Variants in SND1 observed in about 807,000 individuals in gnomAD.
SND1 encodes the protein staphylococcal nuclease domain-containing protein 1.
Under a neutral mutation model 121.7 loss-of-function variants are expected in SND1, and 38 were observed. The ratio of observed to expected loss-of-function variants is 0.31; its 90% CI spans 0.24 to 0.41. The LOEUF (loss-of-function observed/expected upper bound fraction) is 0.41, where lower values mean the gene tolerates loss of function less well. SND1 is among the 10% of genes least tolerant of loss of function. SND1 has a pLI of 1.00. For synonymous variants in SND1, 401 were observed against 447.4 expected (o/e 0.90, Z 1.31); for missense variants, 868 against 1,184.6 (o/e 0.73, Z 3.92).
intron 10 of SND1, among the ~76,000 whole-genome samples, chr7:127,727,680 C>G (rs952577278): frequency 6.6e-6 from 1 of 152,132 alleles, no homozygotes; most frequent in Non-Finnish European, 1.5e-5. Context: ...TAGCATTTCA[C>G]CAGTCTCCAA....
At chr7:128,069,974 C>T (rs189094704) in intron 16 of SND1, among the ~76,000 whole-genome samples, 1 of 152,182 alleles carries the variant, frequency 6.6e-6, no homozygotes, top group Non-Finnish European at 1.5e-5. Context: ...GGCATTGAAG[C>T]GGGCAAAGGT....
intron 10 of SND1, among the ~76,000 whole-genome samples, chr7:127,752,670 T>C (rs893450624): frequency 4.6e-5 from 7 of 152,242 alleles, no homozygotes; most frequent in African/African-American, 7.2e-5. Context: ...ACTATTCAAC[T>C]CTGCCATTGT....
intron 15 of SND1, among the ~76,000 whole-genome samples, chr7:127,961,499 A>G (rs778883928): frequency 6.6e-6 from 1 of 152,258 alleles, no homozygotes; most frequent in Non-Finnish European, 1.5e-5. Context: ...AGTGTTTGCC[A>G]CTGTAAAAAA....
At chr7:127,653,086 T>G (rs1305078850) in intron 1 of SND1, among the ~76,000 whole-genome samples, 4 of 152,238 alleles carry the variant, frequency 2.6e-5, no homozygotes, top group Admixed American at 2.6e-4. Flanking sequence ...AGAAGGCAAG[T>G]GACTTGCTTA....
chr7:127,909,222 A>ATATAT (rs1317829864), intron 14 of SND1, among the ~76,000 whole-genome samples: 2 of 152,106 alleles, frequency 1.3e-5, no homozygotes, highest in African/African-American at 4.8e-5. Flanking sequence ...CTTCTTTTGA[A>ATATAT]TATATTCTGC....
chr7:127,984,349 G>T (rs570086720), intron 15 of SND1, among the ~76,000 whole-genome samples: 1 of 152,232 alleles, frequency 6.6e-6, no homozygotes, highest in African/African-American at 2.4e-5. Flanking sequence ...GTAAAAGGGT[G>T]TAGCTATGCT....
chr7:127,935,247 A>T (rs1409863453), intron 15 of SND1, among the ~76,000 whole-genome samples: 1 of 152,242 alleles, frequency 6.6e-6, no homozygotes, highest in Non-Finnish European at 1.5e-5. Flanking sequence ...TAGTGCAGAA[A>T]GTAAAAGCCA....
intron 11 of SND1, among the ~76,000 whole-genome samples, chr7:127,825,812 A>C (rs551651214): frequency 6.6e-6 from 1 of 152,266 alleles, no homozygotes; most frequent in Non-Finnish European, 1.5e-5. Context: ...ATAAAGGAAA[A>C]ATAAAAGTAA....
chr7:127,765,490 A>G (rs1797394840), intron 10 of SND1, among the ~76,000 whole-genome samples: 1 of 152,266 alleles, frequency 6.6e-6, no homozygotes, highest in Admixed American at 6.5e-5. Flanking sequence ...GTGTGGCAAC[A>G]TTAGGCCCTT....
At chr7:128,023,021 CCT>C (rs1471502757) in intron 16 of SND1, among the ~76,000 whole-genome samples, 1 of 152,172 alleles carries the variant, frequency 6.6e-6, no homozygotes, top group East Asian at 1.9e-4. Context: ...CTTTTCTTCT[CCT>C]CTGTTTCATG....
intron 14 of SND1, among the ~76,000 whole-genome samples, chr7:127,916,479 T>G (rs1276891123): frequency 6.6e-6 from 1 of 152,134 alleles, no homozygotes; most frequent in African/African-American, 2.4e-5. Flanking sequence ...TGACCTAGGC[T>G]TCATGCATGA....
chr7:127,919,488 G>A (rs1800654869), intron 14 of SND1, among the ~76,000 whole-genome samples: 1 of 152,120 alleles, frequency 6.6e-6, no homozygotes, highest in Non-Finnish European at 1.5e-5. Flanking sequence ...AGAGACTTTG[G>A]AAGTGATAAA....
chr7:127,986,558 C>T (rs1351093293), intron 15 of SND1, among the ~76,000 whole-genome samples: 1 of 152,222 alleles, frequency 6.6e-6, no homozygotes, highest in Non-Finnish European at 1.5e-5. Context: ...TATACAGAGT[C>T]AGGCAGAAAC....
At chr7:127,747,666 A>G (rs1008383240) in intron 10 of SND1, among the ~76,000 whole-genome samples, 1 of 152,328 alleles carries the variant, frequency 6.6e-6, no homozygotes, top group South Asian at 2.1e-4. Flanking sequence ...CTTTAAGGAA[A>G]TGACTCTTGC....
chr7:127,653,014 G>A (rs996645175), intron 1 of SND1, among the ~76,000 whole-genome samples: 5 of 152,106 alleles, frequency 3.3e-5, no homozygotes, highest in African/African-American at 1.2e-4. Context: ...AGGTTAGGCC[G>A]GCAAGAATCT....
At chr7:128,060,073 A>T (rs1435568502) in intron 16 of SND1, among the ~76,000 whole-genome samples, 3 of 152,234 alleles carry the variant, frequency 2.0e-5, no homozygotes, top group African/African-American at 7.2e-5. Flanking sequence ...AGACAAAAAT[A>T]GTGGGTGTGG....
rs138614565 is a variant in SND1, at chr7:127,958,677, TGC to T, written c.1669+29349_1669+29350del. On this transcript the variant is annotated intron_variant, in intron 15 of 23. Transcript: ENST00000354725. ...CTTTCATCCATGCTTACGTCCAGAG[TGC>T]CTGTCCCTTATGAAACTCTGCCTGC... Among the ~76,000 whole-genome samples, 581 of 152,246 alleles carry T rather than the reference TGC, an allele frequency of 3.8e-3. 7 individuals carry two copies. The highest frequency in any genetic ancestry group is 0.013 in the African/African-American group (546 of 41,524).
chr7:127,759,323 A>G (rs1797258652), intron 10 of SND1, among the ~76,000 whole-genome samples: 2 of 151,820 alleles, frequency 1.3e-5, no homozygotes, highest in Admixed American at 6.6e-5. Context: ...ATCAATATGG[A>G]CTCTTGGTTT....
At chr7:128,070,045 G>C (rs1244806787) in intron 16 of SND1, among the ~76,000 whole-genome samples, 2 of 152,350 alleles carry the variant, frequency 1.3e-5, no homozygotes, top group East Asian at 3.9e-4. Context: ...CAAGAGCAGA[G>C]AGCAAGAGAT....
Sources: gnomAD v4.1 joint callset for allele counts (sites outside exome capture counted in the v4.1 genomes callset) on GRCh38, gnomAD v4.1.1 for gene constraint, MANE v1.5 for transcripts, NCBI Gene and HGNC (gene_info 2026-07-23, HGNC 2026-07-21) for gene names.